The following CNKSR2 variants were observed in gnomAD, a reference collection of about 807,000 sequenced individuals.
The protein encoded by CNKSR2 is connector enhancer of kinase suppressor of Ras 2, also known as CNK homolog protein 2.
Under a neutral mutation model 84.4 loss-of-function variants are expected in CNKSR2, and 14 were observed. The observed-to-expected ratio is 0.17, with a 90% CI of 0.11 to 0.26. CNKSR2 has a LOEUF of 0.26. Among genes scored for constraint, CNKSR2 ranks in the 10% least tolerant of loss-of-function variants. The pLI, the probability that CNKSR2 is intolerant of heterozygous loss-of-function variation, is 1.00. For missense variants in CNKSR2, 485 were observed against 771.2 expected, an observed-to-expected ratio of 0.63 and a Z score of 4.40; for synonymous variants, 275 against 277.9, an observed-to-expected ratio of 0.99 and a Z score of 0.10.
At chrX:21,496,309 T>C (rs760950446) in intron 6 of CNKSR2, among the ~76,000 whole-genome samples, 3 of 111,731 alleles carry the variant, frequency 2.7e-5, no homozygotes, top group African/African-American at 6.5e-5. Flanking sequence ...AATACCATTA[T>C]ATTTACCGAT....
intron 5 of CNKSR2, among the ~76,000 whole-genome samples, chrX:21,485,186 A>AAAT (rs1006371184): frequency 1.8e-5 from 2 of 111,641 alleles, no homozygotes; most frequent in African/African-American, 6.5e-5. Flanking sequence ...CTATCTCAAA[A>AAAT]AATAATAATA....
chrX:21,485,623 T>A (rs1373941585), intron 5 of CNKSR2, among the ~76,000 whole-genome samples: 1 of 111,601 alleles, frequency 9.0e-6, no homozygotes, highest in Non-Finnish European at 1.9e-5. Context: ...ATGACACTCT[T>A]CAGTTTTAAA....
chrX:21,644,022 T>C (rs1224065611), intron 20 of CNKSR2: 1 of 112,196 alleles, frequency 8.9e-6, no homozygotes, highest in Non-Finnish European at 1.9e-5. Flanking sequence ...TTATTCATTA[T>C]GGCTTGCTAG....
Position 21,569,114 on chromosome X carries a change from T to C in CNKSR2, c.1608+5662T>C, listed in dbSNP as rs7066126. Among the ~76,000 whole-genome samples, 1,062 of 112,097 alleles carry C rather than the reference T, an allele frequency of 9.5e-3. 13 individuals are homozygous for C. Among genetic ancestry groups the C allele is most frequent in the African/African-American group, 0.031 (958 of 30,885 alleles). ...ATGTTTATACTATACTGTAGTCTGC[T>C]AAGTGCACAATAGCATTATGTCTAA... On this transcript the variant is annotated intron_variant, in intron 13 of 21. Transcript: ENST00000379510.
intron 20 of CNKSR2, among the ~76,000 whole-genome samples, chrX:21,622,508 T>A (rs1004799302): frequency 9.0e-6 from 1 of 111,630 alleles, no homozygotes; most frequent in Non-Finnish European, 1.9e-5. Flanking sequence ...AAACTTTCCA[T>A]TTGTCTTTGT....
At chrX:21,446,296 T>C (rs1321191745) in intron 4 of CNKSR2, among the ~76,000 whole-genome samples, 1 of 111,538 alleles carries the variant, frequency 9.0e-6, no homozygotes, top group East Asian at 2.8e-4. Context: ...ACTAAAAATA[T>C]ATTGTTTTCA....
rs749917315 is a variant in CNKSR2 at position 21,590,740 on chromosome X, T to C, written c.1657+120T>C. The stretch of plus-strand genomic sequence containing the variant: ...TGTGGTTTAGAAGAGCACAACCCCC[T>C]TGTGCGAAAGCTGCCAGCTTCTTCT... On this transcript the variant is annotated intron_variant, in intron 14 of 21. Coordinates refer to ENST00000379510, the MANE Select transcript of CNKSR2 (RefSeq NM_014927.5). 1.0e-5 allele frequency: 7 copies of C among 694,724 alleles called. No homozygotes were observed. In the Middle Eastern group the frequency reaches 9.3e-4, roughly 93 times the overall value. The allele number at this position is 694,724 out of a possible 1,213,427, so 57.3% of individuals were successfully genotyped here. A position where few individuals can be genotyped will look rare whatever the true frequency, so the allele number is the denominator to read the frequency against.
intron 1 of CNKSR2, among the ~76,000 whole-genome samples, chrX:21,390,648 T>G (rs192279159): frequency 9.0e-6 from 1 of 111,658 alleles, no homozygotes; most frequent in Non-Finnish European, 1.9e-5. Context: ...CGACCTGAGT[T>G]TTGGGTGGGG....
intron 6 of CNKSR2, chrX:21,491,875 A>C (rs908463669): frequency 3.6e-5 from 4 of 111,867 alleles, no homozygotes; most frequent in African/African-American, 1.3e-4. Context: ...TAGTAGTTAT[A>C]AGGGAAAGGA....
rs1012327155 is a variant in CNKSR2, at chrX:21,458,978, C to T, written c.520-11788C>T. On this transcript the variant is annotated intron_variant, in intron 4 of 21. Transcript: ENST00000379510. ...TCTTTTTCCTCTGAGGAATAAGCAG[C>T]TCATGTCAACATTTTCTACTCCTGA... Among the ~76,000 whole-genome samples, 30 of 107,415 alleles carry T rather than the reference C, an allele frequency of 2.8e-4. 1 individual carries two copies. The highest frequency in any genetic ancestry group is 3.8e-5 in the Non-Finnish European group (2 of 52,192). 93.3% of individuals were successfully genotyped at this position (107,415 alleles called of 115,157 possible).
At chrX:21,429,881 G>T (rs2090612478) in intron 2 of CNKSR2, 2 of 111,032 alleles carry the variant, frequency 1.8e-5, no homozygotes, top group African/African-American at 6.6e-5. Flanking sequence ...CTGGGTGACA[G>T]AACGAGACCC....
chrX:21,630,875 G>A (rs1001942575), intron 20 of CNKSR2, among the ~76,000 whole-genome samples: 7 of 111,177 alleles, frequency 6.3e-5, no homozygotes, highest in African/African-American at 2.0e-4. Flanking sequence ...TATAATTAGT[G>A]TACTTTCCAA....
intron 20 of CNKSR2, among the ~76,000 whole-genome samples, chrX:21,635,447 T>C (rs2092667247): frequency 9.6e-6 from 1 of 104,370 alleles, no homozygotes; most frequent in South Asian, 4.0e-4. Flanking sequence ...TATATATATA[T>C]ACACCTATAT....
At chrX:21,588,680 G>A (rs1350946556) in intron 13 of CNKSR2, among the ~76,000 whole-genome samples, 1 of 111,687 alleles carries the variant, frequency 9.0e-6, no homozygotes, top group Non-Finnish European at 1.9e-5. Context: ...AACCTGGAGA[G>A]TGTAAAATAT....
chrX:21,429,670 G>A (rs2090609371), intron 2 of CNKSR2: 1 of 111,354 alleles, frequency 9.0e-6, no homozygotes, highest in South Asian at 3.8e-4. Flanking sequence ...GCCTGAGGAG[G>A]GCAGATCACT....
chrX:21,456,574 T>TTG (rs750611086), intron 4 of CNKSR2, among the ~76,000 whole-genome samples: 1 of 111,579 alleles, frequency 9.0e-6, no homozygotes, highest in East Asian at 2.8e-4. Flanking sequence ...TAATATTTCA[T>TTG]TGTGTGTGTG....
chrX:21,374,539 A>G lies in CNKSR2; in HGVS notation c.-359A>G. 2 of 442,249 alleles carry G rather than the reference A, an allele frequency of 4.5e-6. No individual in the cohort carries two copies. The highest frequency in any genetic ancestry group is 8.0e-6 in the Non-Finnish European group (2 of 251,034). 36.4% of individuals were successfully genotyped at this position (442,249 alleles called of 1,213,427 possible). A position where few individuals can be genotyped will look rare whatever the true frequency, so the allele number is the denominator to read the frequency against. The stretch of plus-strand genomic sequence containing the variant: ...CCCTCGGCGACGCGACCCCTCAGCA[A>G]CTCAAGCTATGAACTGAAGCTCCCT... On this transcript the variant is annotated 5_prime_UTR_variant, in exon 1 of 22. Transcript: ENST00000379510.
chrX:21,437,551 C>G lies in CNKSR2; in HGVS notation c.432-3143C>G, dbSNP rs146811395. 4.7e-3 allele frequency among the ~76,000 whole-genome samples: 501 copies of G among 106,845 alleles called. 2 individuals carry two copies. Among genetic ancestry groups the G allele is most frequent in the African/African-American group, 0.016 (482 of 29,245 alleles). 92.8% of individuals were successfully genotyped at this position (106,845 alleles called of 115,157 possible). ...TCTCCTGCCTCAGTCTCCTGAGTAG[C>G]TGGGATTACAGGCACCCGTCACCAT... On this transcript the variant is annotated intron_variant, in intron 3 of 21. Coordinates refer to ENST00000379510, the MANE Select transcript of CNKSR2 (RefSeq NM_014927.5).
chrX:21,567,099 GC>G (rs1413641635), intron 13 of CNKSR2, among the ~76,000 whole-genome samples: 1 of 111,287 alleles, frequency 9.0e-6, no homozygotes, highest in East Asian at 2.8e-4. Flanking sequence ...AAGAATTCCT[GC>G]CTATCTAAAC....
Sources: allele counts gnomAD v4.1 joint callset (sites outside exome capture counted in the v4.1 genomes callset), GRCh38; gene constraint gnomAD v4.1.1; transcripts MANE v1.5; gene names NCBI Gene and HGNC (gene_info 2026-07-23, HGNC 2026-07-21).